EXD3: variants seen among roughly 807,000 people sequenced by gnomAD.
EXD3 encodes the protein exonuclease mut-7 homolog.
In EXD3, 92 loss-of-function variants were observed where a neutral mutation model predicts 98.0. That is an observed-to-expected ratio of 0.94 (90% CI 0.79 to 1.12). EXD3 has a LOEUF of 1.12. Ranked by LOEUF, EXD3 falls within the 50% of genes most tolerant of loss-of-function variation. The pLI is 0.00. For synonymous variants in EXD3, 569 were observed against 526.0 expected (o/e 1.08, Z -1.12); for missense variants, 1,222 against 1,191.6 (o/e 1.03, Z -0.38).
At chr9:137,379,433 C>T (rs113094039) in intron 3 of EXD3, among the ~76,000 whole-genome samples, 5 of 33,722 alleles carry the variant, frequency 1.5e-4, no homozygotes, top group South Asian at 2.6e-3. Flanking sequence ...TGACGGTGAC[C>T]GTTGCCTGGG....
At chr9:137,409,554 G>GA (rs1837896070) in intron 1 of EXD3, among the ~76,000 whole-genome samples, 3 of 151,918 alleles carry the variant, frequency 2.0e-5, no homozygotes, top group Non-Finnish European at 4.4e-5. Context: ...CTGTTTCTAT[G>GA]AAAAAAACAG....
intron 17 of EXD3, among the ~76,000 whole-genome samples, chr9:137,346,285 GA>G (rs916759595): frequency 1.6e-5 from 2 of 124,160 alleles, no homozygotes; most frequent in African/African-American, 6.5e-5. Context: ...CTTACTGAAG[GA>G]AAAAAAGAGG....
chr9:137,399,342 T>C (rs991273681), intron 1 of EXD3, among the ~76,000 whole-genome samples: 2 of 152,220 alleles, frequency 1.3e-5, no homozygotes, highest in South Asian at 2.1e-4. Context: ...TTCCCGATGG[T>C]GTCCTGCCCT....
chr9:137,351,066 C>A lies in EXD3; in HGVS notation c.1466G>T (p.Gly489Val). Residue 489 changes from glycine (G) to valine (V), a missense_variant, in exon 14 of 22, where the codon GGC becomes GTC. By Grantham distance (109) the Gly-to-Val change is moderately radical. Coordinates refer to ENST00000340951, the MANE Select transcript of EXD3 (RefSeq NM_017820.5). ...LAHVEKQILG[G>V]MDLLLVHRQM... ...TCTGTGCACCAGCAGCAGGTCCATGCCGCCCAGAATCTGCTTCTCCACATG... is the reference window on the plus strand; with the variant it reads ...TCTGTGCACCAGCAGCAGGTCCATGACGCCCAGAATCTGCTTCTCCACATG... 4.5e-6 allele frequency: 7 copies of A among 1,572,192 alleles called. No homozygotes were observed. Among genetic ancestry groups the A allele is most frequent in the Non-Finnish European group, 6.0e-6 (7 of 1,159,728 alleles).
chr9:137,318,065 G>A (rs1006471388), intron 19 of EXD3, among the ~76,000 whole-genome samples: 4 of 152,090 alleles, frequency 2.6e-5, no homozygotes, highest in African/African-American at 9.7e-5. Context: ...GGGTCTCCAG[G>A]CCCACGGCAG....
intron 3 of EXD3, chr9:137,377,061 T>C (rs1287084297): frequency 6.6e-6 from 1 of 151,766 alleles, no homozygotes; most frequent in African/African-American, 2.4e-5. Flanking sequence ...CTACCAGACC[T>C]CATTCCTCTG....
intron 17 of EXD3, among the ~76,000 whole-genome samples, chr9:137,325,262 C>T (rs1043931291): frequency 1.1e-4 from 17 of 152,054 alleles, no homozygotes; most frequent in African/African-American, 3.1e-4. Context: ...GAGGCCGGAG[C>T]GTCTAGATGC....
intron 17 of EXD3, among the ~76,000 whole-genome samples, chr9:137,330,275 G>C (rs1832961238): frequency 7.5e-6 from 1 of 134,078 alleles, no homozygotes. Flanking sequence ...AGCTACACAG[G>C]AACTACACAG....
At chr9:137,315,669 T>C (rs1158594100) in intron 19 of EXD3, among the ~76,000 whole-genome samples, 2 of 151,996 alleles carry the variant, frequency 1.3e-5, no homozygotes, top group African/African-American at 4.8e-5. Flanking sequence ...TCAGATAAAG[T>C]GCAGGATACT....
At chr9:137,355,864 G>A (rs987217724) in intron 8 of EXD3, among the ~76,000 whole-genome samples, 1 of 152,170 alleles carries the variant, frequency 6.6e-6, no homozygotes, top group Non-Finnish European at 1.5e-5. Context: ...GGGGGTCCTG[G>A]GAGCAAAGGG....
chr9:137,307,471 G>T, intron 21 of EXD3, 137 bp downstream of exon 21: 1 of 1,296,160 alleles, frequency 7.7e-7, no homozygotes, highest in Non-Finnish European at 1.0e-6. Context: ...CCCTCACCTT[G>T]CAGGCCCTAG....
At chr9:137,307,580 G>A in intron 21 of EXD3, 28 bp downstream of exon 21, 1 of 1,608,340 alleles carries the variant, frequency 6.2e-7, no homozygotes, top group Non-Finnish European at 8.5e-7. Context: ...AAGCAGCTGT[G>A]TCCTTGGTGG....
chr9:137,348,125 G>A lies in EXD3; in HGVS notation c.1944C>T (p.Leu648=), dbSNP rs200930714. 77 of 1,612,234 alleles carry A rather than the reference G, an allele frequency of 4.8e-5. No individual in the cohort carries two copies. Among genetic ancestry groups the A allele is most frequent in the Admixed American group, 1.7e-4 (10 of 59,970 alleles). ...LQGLARSLRC[L]GVDARMLGNG... is the part of the protein sequence containing the mutation. ...TGCCCAGCATGCGTGCATCCACACC[G>A]AGACAGCGGAGGCTCCGTGCCAGCC... The change falls in exon 17 of 22, where the codon CTC becomes CTT. Residue 648 remains leucine (L), a synonymous_variant. Transcript: ENST00000340951.
intron 17 of EXD3, among the ~76,000 whole-genome samples, chr9:137,346,766 A>T (rs919524309): frequency 6.6e-6 from 1 of 151,848 alleles, no homozygotes; most frequent in African/African-American, 2.4e-5. Flanking sequence ...CCGCATGTTT[A>T]GCTGTGTGTT....
chr9:137,390,791 G>A (rs548260086), intron 2 of EXD3, among the ~76,000 whole-genome samples: 20 of 152,338 alleles, frequency 1.3e-4, no homozygotes, highest in African/African-American at 4.8e-4. Context: ...CTGCCAGCTG[G>A]GCCTGGGCAG....
rs931003955 is a variant in EXD3, at chr9:137,403,422, CCAGCAGCAG to C, written c.-47-8027_-47-8019del. ...CTCTGTAGCCCTCCCCACCCCCAGC[CCAGCAGCAG>C]CAGCAGCCAGCACACCCTGGCCCAG... is the stretch of plus-strand genomic sequence containing the variant. On this transcript the variant is annotated intron_variant, in intron 1 of 21. Coordinates refer to ENST00000340951, the MANE Select transcript of EXD3 (RefSeq NM_017820.5). The surrounding 1 kb of genome is among the most constrained non-coding windows in gnomAD (Gnocchi z 6.1). Among the ~76,000 whole-genome samples, 1 of 40,568 alleles carries C rather than the reference CCAGCAGCAG, an allele frequency of 2.5e-5. No homozygotes were observed. Among genetic ancestry groups the C allele is most frequent in the Non-Finnish European group, 5.5e-5 (1 of 18,102 alleles). 26.6% of individuals were successfully genotyped at this position (40,568 alleles called of 152,430 possible).
chr9:137,349,670 G>A lies in EXD3; in HGVS notation c.1495-139C>T. 1 of 941,792 alleles carries A rather than the reference G, an allele frequency of 1.1e-6. No homozygotes were observed. Among genetic ancestry groups the A allele is most frequent in the Non-Finnish European group, 1.5e-6 (1 of 666,786 alleles). 58.3% of individuals were successfully genotyped at this position (941,792 alleles called of 1,614,324 possible). On this transcript the variant is annotated intron_variant, in intron 14 of 21. Transcript: ENST00000340951. This position sits in a 1 kb window ranked among gnomAD's most constrained non-coding sequence, Gnocchi z 7.4. ...CAGCGGCCCCCACAGCAGAGACGGG[G>A]AGAAGGAGCGGACACATCCGAGGAG...
intron 19 of EXD3, among the ~76,000 whole-genome samples, chr9:137,316,089 C>G (rs1831637434): frequency 8.6e-5 from 2 of 23,162 alleles, no homozygotes; most frequent in Admixed American, 3.9e-4. Context: ...CTCCCCCGGC[C>G]CCCCCCAGCC....
chr9:137,363,171 A>G (rs1057135899), intron 7 of EXD3, among the ~76,000 whole-genome samples: 4 of 151,302 alleles, frequency 2.6e-5, no homozygotes, highest in African/African-American at 9.7e-5. Context: ...TTTGTTTTGT[A>G]TTTTTACATT....
Sources: allele counts gnomAD v4.1 joint callset (sites outside exome capture counted in the v4.1 genomes callset), GRCh38; gene constraint gnomAD v4.1.1; non-coding constraint Gnocchi (gnomAD v3.1); transcripts MANE v1.5; gene names NCBI Gene and HGNC (gene_info 2026-07-23, HGNC 2026-07-21).